Variants in MCM9 observed in about 807,000 individuals in gnomAD.
MCM9 encodes minichromosome maintenance 9 homologous recombination repair factor.
MCM9 carries 55 observed loss-of-function variants against 72.8 expected under a neutral mutation model. The ratio of observed to expected loss-of-function variants is 0.76; its 90% CI spans 0.61 to 0.95. MCM9 has a LOEUF of 0.95. Among genes scored for constraint, MCM9 ranks in the 40% least tolerant of loss-of-function variants. MCM9 has a pLI of 0.00. For missense variants in MCM9, 1,279 were observed against 1,377.0 expected (o/e 0.93, Z 1.13); for synonymous variants, 480 against 503.4 (o/e 0.95, Z 0.62).
intron 8 of MCM9, among the ~76,000 whole-genome samples, chr6:118,865,664 C>T (rs1777171701): frequency 6.6e-6 from 1 of 152,194 alleles, no homozygotes; most frequent in Admixed American, 6.5e-5. Context: ...GAGCTTGACA[C>T]TTCATGATCC....
At chr6:118,828,263 T>G in intron 10 of MCM9, 133 bp from the exon 11 acceptor site, 2 of 694,754 alleles carry the variant, frequency 2.9e-6, no homozygotes, top group East Asian at 5.4e-5. Context: ...AAATCTAGAC[T>G]TGTCTGCATA....
rs1239120694 is a variant in MCM9, at chr6:118,826,870, A to G, written c.1733-6T>C. On this transcript the variant is annotated splice_polypyrimidine_tract_variant and splice_region_variant and intron_variant, in intron 11 of 13. Coordinates refer to ENST00000619706, the MANE Select transcript of MCM9 (RefSeq NM_017696.3). ...AAACATCAGGCGAGCATGAGCTAAGAAAACAAAACACATTTGTTTTTTAGG... is the reference window on the plus strand; with the variant it reads ...AAACATCAGGCGAGCATGAGCTAAGGAAACAAAACACATTTGTTTTTTAGG... The G allele has an allele frequency of 1.3e-6, 2 of 1,547,566 alleles. No individual in the cohort carries two copies. The highest frequency in any genetic ancestry group is 1.7e-6 in the Non-Finnish European group (2 of 1,145,752).
chr6:118,879,136 T>C (rs186755546), intron 8 of MCM9, among the ~76,000 whole-genome samples: 3 of 151,804 alleles, frequency 2.0e-5, no homozygotes, highest in East Asian at 1.9e-4. Flanking sequence ...ATAAGACATG[T>C]AGAAAACAAA....
At chr6:118,820,589 G>A (rs532115944) in intron 13 of MCM9, among the ~76,000 whole-genome samples, 19 of 152,290 alleles carry the variant, frequency 1.2e-4, no homozygotes, top group African/African-American at 4.6e-4. Context: ...TGAGAAGAAT[G>A]TATATTCTGT....
chr6:118,913,251 A>T, intron 7 of MCM9, 44 bp downstream of exon 7: 2 of 1,603,712 alleles, frequency 1.2e-6, no homozygotes, highest in Non-Finnish European at 1.7e-6. Context: ...TCTAGCTTCC[A>T]TCCATGTGTC....
chr6:118,836,598 A>C (rs1774977111), intron 9 of MCM9, among the ~76,000 whole-genome samples: 1 of 152,110 alleles, frequency 6.6e-6, no homozygotes, highest in South Asian at 2.1e-4. Context: ...CTAGGTATTT[A>C]TCCATTTCTT....
chr6:118,887,861 G>T (rs36179023), intron 8 of MCM9, among the ~76,000 whole-genome samples: 107,595 of 151,970 alleles, frequency 0.71, 39,399 homozygotes, highest in South Asian at 0.8. Flanking sequence ...CTACTCAGGA[G>T]GTTGAGGTGG....
intron 13 of MCM9, among the ~76,000 whole-genome samples, chr6:118,816,501 A>G (rs1773417633): frequency 6.6e-6 from 1 of 152,316 alleles, no homozygotes; most frequent in East Asian, 1.9e-4. Flanking sequence ...GATAAACACT[A>G]ATTTAACCTA....
Position 118,911,302 on chromosome 6 carries a change from C to T in MCM9, c.1150+348G>A, listed in dbSNP as rs79517303. Reference sequence around the variant, plus strand: ...CCTTAAGCTCTATACCATCTATCTACTTGGTAAAGTGAAATATCCCCCTCT... The same window carrying T: ...CCTTAAGCTCTATACCATCTATCTATTTGGTAAAGTGAAATATCCCCCTCT... On this transcript the variant is annotated intron_variant, in intron 8 of 13. Transcript: ENST00000619706. The T allele has an allele frequency of 9.5e-3, 9,703 of 1,017,902 alleles. 52 individuals are homozygous for T. The highest frequency in any genetic ancestry group is 0.029 in the Middle Eastern group (60 of 2,078). The allele number at this position is 1,017,902 out of a possible 1,614,324, so 63.1% of individuals were successfully genotyped here. A position where few individuals can be genotyped will look rare whatever the true frequency, so the allele number is the denominator to read the frequency against.
chr6:118,881,661 C>T (rs1778295244), intron 8 of MCM9, among the ~76,000 whole-genome samples: 1 of 152,210 alleles, frequency 6.6e-6, no homozygotes, highest in Non-Finnish European at 1.5e-5. Context: ...GGTTTCACTT[C>T]TGCAATGGCA....
At chr6:118,826,344 G>T (rs997465543) in intron 12 of MCM9, 52 bp from the exon 13 acceptor site, 49 of 1,524,924 alleles carry the variant, frequency 3.2e-5, no homozygotes, top group Non-Finnish European at 4.2e-5. Flanking sequence ...CTGCATAGCG[G>T]TAAGTACACT....
chr6:118,854,572 C>G (rs1457291093), intron 9 of MCM9, among the ~76,000 whole-genome samples: 2 of 152,322 alleles, frequency 1.3e-5, no homozygotes, highest in East Asian at 3.9e-4. Context: ...AGGCTGGTCT[C>G]CAATCCCCGA....
At chr6:118,904,375 T>G (rs1780020565) in intron 8 of MCM9, among the ~76,000 whole-genome samples, 1 of 152,206 alleles carries the variant, frequency 6.6e-6, no homozygotes, top group Non-Finnish European at 1.5e-5. Context: ...TTTCACAAGC[T>G]AAGGCATTGG....
chr6:118,882,436 C>T (rs1226984745), intron 8 of MCM9, among the ~76,000 whole-genome samples: 1 of 152,184 alleles, frequency 6.6e-6, no homozygotes, highest in Non-Finnish European at 1.5e-5. Context: ...AAACCATAGG[C>T]CAGCTAGTTT....
chr6:118,841,253 C>G (rs1451292605), intron 9 of MCM9, among the ~76,000 whole-genome samples: 1 of 152,182 alleles, frequency 6.6e-6, no homozygotes, highest in Non-Finnish European at 1.5e-5. Context: ...CCTGGTGGCA[C>G]ACTTGGATAC....
At chr6:118,904,168 A>T (rs1780004247) in intron 8 of MCM9, among the ~76,000 whole-genome samples, 4 of 152,200 alleles carry the variant, frequency 2.6e-5, no homozygotes, top group Admixed American at 2.6e-4. Context: ...TCAGTTAGAA[A>T]ATTCTAAGCA....
In MCM9 at chr6:118,828,891, A is replaced by G. The variant is rs1017310683; in HGVS notation, c.1528+157T>C. The G allele has an allele frequency of 2.2e-5, 15 of 686,296 alleles. No individual in the cohort carries two copies. In the African/African-American group the frequency reaches 2.5e-4, roughly 12 times the overall value. 42.5% of individuals were successfully genotyped at this position (686,296 alleles called of 1,614,324 possible). A position where few individuals can be genotyped will look rare whatever the true frequency, so the allele number is the denominator to read the frequency against. On this transcript the variant is annotated intron_variant, in intron 10 of 13. Coordinates refer to ENST00000619706, the MANE Select transcript of MCM9 (RefSeq NM_017696.3). ...TCAACTCAGTATTCTGAGGCCCCGT[A>G]AGTGGCTCCTCTCACTGCTTTCTGT...
chr6:118,900,414 T>C (rs188588624), intron 8 of MCM9, among the ~76,000 whole-genome samples: 1 of 152,360 alleles, frequency 6.6e-6, no homozygotes, highest in East Asian at 1.9e-4. Context: ...GCTGGATTAA[T>C]GTTACTGGTG....
intron 8 of MCM9, among the ~76,000 whole-genome samples, chr6:118,881,278 C>T (rs148504092): frequency 0.023 from 3,539 of 152,128 alleles, 157 homozygotes; most frequent in African/African-American, 0.081. Flanking sequence ...TGAGCCCCAC[C>T]TTTTTCAATC....
Sources: gnomAD v4.1 joint callset for allele counts (sites outside exome capture counted in the v4.1 genomes callset) on GRCh38, gnomAD v4.1.1 for gene constraint, MANE v1.5 for transcripts, NCBI Gene and HGNC (gene_info 2026-07-23, HGNC 2026-07-21) for gene names.